Variants in DCC observed in about 807,000 individuals in gnomAD.
DCC encodes DCC netrin 1 receptor.
A neutral mutation model predicts 172.5 loss-of-function variants in DCC; 58 were observed. The observed-to-expected ratio is 0.34, with a 90% CI of 0.27 to 0.42. The LOEUF is 0.42. DCC is among the 10% of genes least tolerant of loss of function. DCC has a pLI of 1.00. For missense variants in DCC, 1,740 were observed against 1,791.0 expected (o/e 0.97, Z 0.51); for synonymous variants, 709 against 644.5 (o/e 1.10, Z -1.52).
intron 1 of DCC, among the ~76,000 whole-genome samples, chr18:52,504,125 CAA>C (rs1568202135): frequency 6.6e-6 from 1 of 152,068 alleles, no homozygotes; most frequent in Non-Finnish European, 1.5e-5. Flanking sequence ...GCTTCCCGTT[CAA>C]AGAGGATGCG....
intron 2 of DCC, among the ~76,000 whole-genome samples, chr18:52,769,471 AG>A (rs2037305449): frequency 6.6e-6 from 1 of 152,146 alleles, no homozygotes. Context: ...TTGGTTTGAG[AG>A]TCCTTTATCA....
chr18:52,883,921 C>T (rs2039532134), intron 2 of DCC, among the ~76,000 whole-genome samples: 2 of 151,094 alleles, frequency 1.3e-5, no homozygotes, highest in African/African-American at 2.4e-5. Flanking sequence ...TTTTGTGTAT[C>T]TAGGATGGGC....
At chr18:53,037,287 A>G (rs1195435426) in intron 5 of DCC, among the ~76,000 whole-genome samples, 1 of 152,032 alleles carries the variant, frequency 6.6e-6, no homozygotes, top group South Asian at 2.1e-4. Context: ...TGAACTGGCA[A>G]TGTGTAGTTG....
At chr18:52,460,929 G>T (rs182452655) in intron 1 of DCC, among the ~76,000 whole-genome samples, 14 of 152,230 alleles carry the variant, frequency 9.2e-5, no homozygotes, top group Middle Eastern at 3.4e-3. Context: ...TATAAACACC[G>T]TATACTGAAG....
chr18:52,896,974 G>A (rs921907966), intron 2 of DCC, among the ~76,000 whole-genome samples: 1 of 152,096 alleles, frequency 6.6e-6, no homozygotes, highest in African/African-American at 2.4e-5. Context: ...AACCACCAGG[G>A]GTCCTGAGGA....
intron 5 of DCC, among the ~76,000 whole-genome samples, chr18:52,969,832 A>T (rs900354872): frequency 6.6e-6 from 1 of 152,148 alleles, no homozygotes; most frequent in African/African-American, 2.4e-5. Context: ...ATTAAAGAAG[A>T]CATATGACTG....
intron 1 of DCC, among the ~76,000 whole-genome samples, chr18:52,659,908 G>T (rs1422042426): frequency 6.6e-6 from 1 of 151,766 alleles, no homozygotes; most frequent in Admixed American, 6.6e-5. Flanking sequence ...AAAATTAATT[G>T]GGTATTTTGT....
intron 7 of DCC, among the ~76,000 whole-genome samples, chr18:53,128,870 C>CACACACATATATATATAT (rs1300738812): frequency 2.6e-5 from 2 of 77,480 alleles, no homozygotes; most frequent in Non-Finnish European, 4.6e-5. Flanking sequence ...CACACACACA[C>CACACACATATATATATAT]ATATATATAT....
chr18:52,473,734 G>A (rs1989011581), intron 1 of DCC, among the ~76,000 whole-genome samples: 1 of 152,096 alleles, frequency 6.6e-6, no homozygotes, highest in South Asian at 2.1e-4. Context: ...AAGACTTGGG[G>A]ATTATGGGAA....
At chr18:53,263,646 T>C (rs957139647) in intron 12 of DCC, among the ~76,000 whole-genome samples, 2 of 152,158 alleles carry the variant, frequency 1.3e-5, no homozygotes, top group African/African-American at 4.8e-5. Context: ...TTCTCCAAAC[T>C]TTTTTAGACA....
chr18:53,215,705 T>A (rs1224737276), intron 12 of DCC, 108 bp downstream of exon 12: 4 of 884,106 alleles, frequency 4.5e-6, no homozygotes, highest in Non-Finnish European at 5.8e-6. Context: ...GGCTTCCATG[T>A]GCAGAAATGT....
intron 3 of DCC, among the ~76,000 whole-genome samples, chr18:52,921,333 A>G (rs2040121830): frequency 6.6e-6 from 1 of 152,124 alleles, no homozygotes; most frequent in African/African-American, 2.4e-5. Context: ...TTTTGTAAAT[A>G]AAAAATTTTA....
chr18:52,778,296 AAC>A (rs2145179647), intron 2 of DCC, among the ~76,000 whole-genome samples: 1 of 152,360 alleles, frequency 6.6e-6, no homozygotes, highest in East Asian at 1.9e-4. Flanking sequence ...AAGAACTTGT[AAC>A]ACTTTCTTCA....
rs369097565 is a variant in DCC, at chr18:53,074,413, T to C, written c.1261+8247T>C. 4.6e-5 allele frequency among the ~76,000 whole-genome samples: 7 copies of C among 152,312 alleles called. No homozygotes were observed. The East Asian group carries it at 1.4e-3, about 29-fold the overall frequency. Reference sequence around the variant, plus strand: ...TGCAACTTAATATTTTTGAAACATATTGCAGTGATATTATAGCTCATAAGC... The same window carrying C: ...TGCAACTTAATATTTTTGAAACATACTGCAGTGATATTATAGCTCATAAGC... On this transcript the variant is annotated intron_variant, in intron 7 of 28. Transcript: ENST00000442544.
At chr18:53,071,895 A>C (rs994863239) in intron 7 of DCC, among the ~76,000 whole-genome samples, 1 of 152,120 alleles carries the variant, frequency 6.6e-6, no homozygotes, top group East Asian at 1.9e-4. Context: ...TTGGGAGGAC[A>C]AGGTGGGCAG....
chr18:53,408,256 T>C (rs1007699554), intron 19 of DCC, among the ~76,000 whole-genome samples: 1 of 152,162 alleles, frequency 6.6e-6, no homozygotes, highest in Non-Finnish European at 1.5e-5. Context: ...TGTTATCTTA[T>C]GGTTTTTGTG....
chr18:53,190,208 G>A (rs1240923029), intron 9 of DCC, among the ~76,000 whole-genome samples: 3 of 152,164 alleles, frequency 2.0e-5, no homozygotes, highest in African/African-American at 7.2e-5. Context: ...TTACAGGCAT[G>A]AGCCGACATG....
At position 53,531,646 on chromosome 18, in the gene DCC, A is replaced by G. The variant is rs2046526439; in HGVS notation, c.*993A>G. Reference sequence around the variant, plus strand: ...CACATGTCATATGGTGCACTGGCCAATGTCGCCTGTCTTCTAATCCCGTAG... The same window carrying G: ...CACATGTCATATGGTGCACTGGCCAGTGTCGCCTGTCTTCTAATCCCGTAG... On this transcript the variant is annotated 3_prime_UTR_variant, in exon 29 of 29. Coordinates refer to ENST00000442544, the MANE Select transcript of DCC (RefSeq NM_005215.4). The G allele has an allele frequency of 6.6e-6, 1 of 152,204 alleles. No homozygotes were observed. Among genetic ancestry groups the G allele is most frequent in the African/African-American group, 2.4e-5 (1 of 41,436 alleles). The allele number at this position is 152,204 out of a possible 1,614,324, so 9.4% of individuals were successfully genotyped here.
At chr18:52,343,352 G>A (rs539154201) in intron 1 of DCC, among the ~76,000 whole-genome samples, 69 of 152,158 alleles carry the variant, frequency 4.5e-4, no homozygotes, top group Non-Finnish European at 7.6e-4. Context: ...CCATTCAGCC[G>A]GGTGTTTTAA....
Sources: gnomAD v4.1 joint callset for allele counts (sites outside exome capture counted in the v4.1 genomes callset) on GRCh38, gnomAD v4.1.1 for gene constraint, MANE v1.5 for transcripts, NCBI Gene and HGNC (gene_info 2026-07-23, HGNC 2026-07-21) for gene names.